The following SYNE2 variants were observed in gnomAD, a reference collection of about 807,000 sequenced individuals.
SYNE2 encodes the protein spectrin repeat containing nuclear envelope protein 2, also known as nesprin-2.
In SYNE2, 431 loss-of-function variants were observed where a neutral mutation model predicts 856.3. That is an observed-to-expected ratio of 0.50 (90% CI 0.47 to 0.55). SYNE2 has a LOEUF of 0.55. Among genes scored for constraint, SYNE2 ranks in the 20% least tolerant of loss-of-function variants. The pLI, the probability that SYNE2 is intolerant of heterozygous loss-of-function variation, is 0.00. For synonymous variants in SYNE2, 2,923 were observed against 2,872.3 expected (o/e 1.02, Z -0.56); for missense variants, 8,129 against 8,023.2 (o/e 1.01, Z -0.50).
intron 1 of SYNE2, among the ~76,000 whole-genome samples, chr14:63,876,344 T>C (rs2094717391): frequency 6.6e-6 from 1 of 151,832 alleles, no homozygotes; most frequent in Non-Finnish European, 1.5e-5. Flanking sequence ...TTCAAGGCTG[T>C]AGTAAGCTAT....
intron 90 of SYNE2, 81 bp from the exon 91 acceptor site, chr14:64,167,152 T>C: frequency 6.3e-7 from 1 of 1,587,958 alleles, no homozygotes; most frequent in East Asian, 2.2e-5. Flanking sequence ...TTTTCCTTTA[T>C]CTTTGAGGTA....
chr14:63,803,091 A>G (rs1448636132), intron 1 of SYNE2, among the ~76,000 whole-genome samples: 1 of 152,120 alleles, frequency 6.6e-6, no homozygotes, highest in African/African-American at 2.4e-5. Context: ...GCTGATTGGT[A>G]GAGCCGAGTG....
chr14:63,817,092 A>G (rs1889022185), intron 1 of SYNE2, among the ~76,000 whole-genome samples: 1 of 152,096 alleles, frequency 6.6e-6, no homozygotes, highest in Non-Finnish European at 1.5e-5. Flanking sequence ...CTGCCCTTGG[A>G]TTCGACAATT....
At chr14:63,827,625 C>CAAAAAAAAAAAAAAACAAAAAAAAA (rs1889486919) in intron 1 of SYNE2, among the ~76,000 whole-genome samples, 13 of 28,398 alleles carry the variant, frequency 4.6e-4, no homozygotes, top group South Asian at 1.5e-3. Flanking sequence ...AACTCTGTCT[C>CAAAAAAAAAAAAAAACAAAAAAAAA]AAAAAAAAAA....
At position 64,212,303 on chromosome 14, in the gene SYNE2, G is replaced by A. The variant is rs1454529820; in HGVS notation, c.18861+205G>A. 3.3e-5 allele frequency among the ~76,000 whole-genome samples: 5 copies of A among 152,146 alleles called. No individual in the cohort carries two copies. The East Asian group carries it at 9.6e-4, about 29-fold the overall frequency. ...TCCAGGAGTATGGGTGTCACCAGTG[G>A]GGCCAAGAACAGAGGTCCGCTCTCC... On this transcript the variant is annotated intron_variant, in intron 104 of 115. Transcript: ENST00000555002.
chr14:64,139,379 T>TAGA (rs1555506199), intron 79 of SYNE2, among the ~76,000 whole-genome samples: 2 of 151,438 alleles, frequency 1.3e-5, no homozygotes, highest in Non-Finnish European at 2.9e-5. Flanking sequence ...TAATAAGAAA[T>TAGA]AAAGAATGCT....
rs886050594 is a variant in SYNE2, at chr14:64,163,402, G to A, written c.16300G>A (p.Glu5434Lys). The change falls in exon 89 of 116, where the codon GAG becomes AAG. Residue 5434 changes from glutamate to lysine, a missense_variant and splice_region_variant. Glu to Lys is a moderately conservative substitution (Grantham distance 56). Around this residue, in one of 3 missense-constraint regions of SYNE2, gnomAD observed 5,410 missense variants for 5,284.8 expected, o/e 1.02. Transcript: ENST00000555002. The part of the protein sequence containing the change: ...ILPPALQDIK[E>K]LQHDVQKTKE... ...TTTGCCATCCCTTTTTCTTCTGCAG[G>A]AGCTGCAGCATGATGTGCAGAAAAC... The A allele has an allele frequency of 1.2e-6, 2 of 1,613,808 alleles. No individual in the cohort carries two copies. The highest frequency in any genetic ancestry group is 1.3e-5 in the African/African-American group (1 of 74,998).
chr14:64,213,055 G>GT (rs762640948), intron 105 of SYNE2, 50 bp downstream of exon 105: 1 of 1,598,986 alleles, frequency 6.3e-7, no homozygotes, highest in Non-Finnish European at 8.6e-7. Flanking sequence ...CAGAGTTTAC[G>GT]TGAGACCAAA....
At chr14:64,209,113 C>T (rs1031042850) in intron 101 of SYNE2, 168 bp downstream of exon 101, 9 of 977,062 alleles carry the variant, frequency 9.2e-6, no homozygotes, top group Admixed American at 2.1e-5. Context: ...AAAATGTAAC[C>T]GGAGTAATGT....
chr14:63,974,721 CATACATATATATACAT>C (rs1325621154), intron 11 of SYNE2, among the ~76,000 whole-genome samples: 2 of 148,158 alleles, frequency 1.3e-5, no homozygotes, highest in African/African-American at 2.5e-5. Flanking sequence ...ACCATGCCAG[CATACATATATATACAT>C]ATACATATAT....
intron 85 of SYNE2, among the ~76,000 whole-genome samples, chr14:64,156,713 C>T (rs1206290651): frequency 6.6e-6 from 1 of 152,194 alleles, no homozygotes; most frequent in Admixed American, 6.5e-5. Context: ...ACCACCTTGG[C>T]CTCCCAAAGT....
intron 76 of SYNE2, among the ~76,000 whole-genome samples, chr14:64,131,193 A>C (rs1436034959): frequency 6.6e-6 from 1 of 152,152 alleles, no homozygotes; most frequent in Non-Finnish European, 1.5e-5. Flanking sequence ...AATATTGATT[A>C]TCTGCAGTGT....
At position 64,080,062 on chromosome 14, in the gene SYNE2, T is replaced by C. The variant is rs189299908; in HGVS notation, c.11164-394T>C. On this transcript the variant is annotated intron_variant, in intron 55 of 115. Transcript: ENST00000555002. ...AAGAGAGCGTGTGTGTGTGTGTGTG[T>C]GTGCGCGTGCGTGTGTGTGTATGAA... is the stretch of plus-strand genomic sequence containing the variant. 3.5e-3 allele frequency among the ~76,000 whole-genome samples: 539 copies of C among 151,986 alleles called. 12 individuals are homozygous for C. Among genetic ancestry groups the C allele is most frequent in the Admixed American group, 0.016 (237 of 15,250 alleles).
At chr14:64,190,296 G>T in intron 99 of SYNE2, 59 bp downstream of exon 99, 3 of 1,603,828 alleles carry the variant, frequency 1.9e-6, no homozygotes, top group South Asian at 2.2e-5. Context: ...TACAGATCTA[G>T]TAAACTGAAC....
intron 101 of SYNE2, 36 bp from the exon 102 acceptor site, chr14:64,209,392 G>A (rs768053537): frequency 9.3e-6 from 15 of 1,614,122 alleles, no homozygotes; most frequent in Middle Eastern, 1.6e-4. Context: ...AGGCTTGGAG[G>A]GGATGGCTTG....
chr14:63,800,953 A>G (rs1009554635), intron 1 of SYNE2, among the ~76,000 whole-genome samples: 1 of 152,144 alleles, frequency 6.6e-6, no homozygotes. Context: ...GGACCCCCAA[A>G]CCTAAAAAGT....
At chr14:64,145,147 G>A (rs1442586155) in intron 83 of SYNE2, among the ~76,000 whole-genome samples, 11 of 151,662 alleles carry the variant, frequency 7.3e-5, no homozygotes, top group Non-Finnish European at 1.3e-4. Flanking sequence ...GGATGGTCTC[G>A]AACTCCTGAC....
intron 1 of SYNE2, among the ~76,000 whole-genome samples, chr14:63,832,866 CAAAAAAAAA>C (rs36099684): frequency 4.0e-4 from 26 of 64,740 alleles, no homozygotes; most frequent in African/African-American, 1.2e-3. Flanking sequence ...CTGTCTCTAC[CAAAAAAAAA>C]AAAAAAAAAA....
chr14:63,862,031 C>G (rs1400067107), intron 1 of SYNE2, among the ~76,000 whole-genome samples: 1 of 152,122 alleles, frequency 6.6e-6, no homozygotes, highest in African/African-American at 2.4e-5. Context: ...ATATCCCACC[C>G]GTGCTGGATT....
Sources: allele counts gnomAD v4.1 joint callset (sites outside exome capture counted in the v4.1 genomes callset), GRCh38; gene constraint gnomAD v4.1.1; regional missense constraint gnomAD v4.1.1; transcripts MANE v1.5; gene names NCBI Gene and HGNC (gene_info 2026-07-23, HGNC 2026-07-21).